The following EEIG2 variants were observed in gnomAD, a reference collection of about 807,000 sequenced individuals.
EEIG2 encodes family with sequence similarity 102 member B.
At chr1:108,618,556 C>T in the EEIG2 span, among the ~76,000 whole-genome samples, 1 of 151,998 alleles carries the variant, frequency 6.6e-6, no homozygotes, top group Non-Finnish European at 1.5e-5. Flanking sequence ...AAAACATTAC[C>T]TCCCTATGTA....
the EEIG2 span, chr1:108,624,511 C>T: frequency 3.6e-6 from 2 of 551,282 alleles, no homozygotes; most frequent in South Asian, 4.3e-5. Flanking sequence ...ATTTGCTGAT[C>T]TTTGTTACTT....
the EEIG2 span, among the ~76,000 whole-genome samples, chr1:108,602,679 A>G: frequency 6.6e-6 from 1 of 152,046 alleles, no homozygotes; most frequent in Non-Finnish European, 1.5e-5. Flanking sequence ...CAGGATTTTA[A>G]GACCAGCCTG....
the EEIG2 span, among the ~76,000 whole-genome samples, chr1:108,587,393 A>T: frequency 6.6e-6 from 1 of 152,170 alleles, no homozygotes; most frequent in Non-Finnish European, 1.5e-5. Context: ...CATTTGTTAC[A>T]GTTGATGAAC....
chr1:108,590,042 G>C, the EEIG2 span, among the ~76,000 whole-genome samples: 2 of 151,906 alleles, frequency 1.3e-5, no homozygotes, highest in South Asian at 4.2e-4. Context: ...TTCCAAATAG[G>C]GAACCCACAG....
the EEIG2 span, among the ~76,000 whole-genome samples, chr1:108,592,135 G>C: frequency 2.0e-5 from 3 of 152,226 alleles, no homozygotes; most frequent in Non-Finnish European, 4.4e-5. Context: ...TAAGGAGGCT[G>C]TTGCCATGCT....
chr1:108,614,860 A>C, the EEIG2 span, among the ~76,000 whole-genome samples: 1 of 152,200 alleles, frequency 6.6e-6, no homozygotes, highest in Non-Finnish European at 1.5e-5. Flanking sequence ...CTACTTAACT[A>C]TTCAGTTCCT....
the EEIG2 span, among the ~76,000 whole-genome samples, chr1:108,593,765 G>A: frequency 6.6e-6 from 1 of 152,010 alleles, no homozygotes; most frequent in African/African-American, 2.4e-5. Context: ...ATGAATCTGA[G>A]GACTAAAGAA....
the EEIG2 span, chr1:108,616,431 A>G: frequency 2.5e-6 from 4 of 1,569,490 alleles, no homozygotes; most frequent in Admixed American, 1.7e-5. Context: ...TTTAAAACGT[A>G]AGTTGATACC....
chr1:108,615,650 T>C, the EEIG2 span, among the ~76,000 whole-genome samples: 1 of 151,722 alleles, frequency 6.6e-6, no homozygotes, highest in African/African-American at 2.4e-5. Flanking sequence ...CCAGGCGTAG[T>C]GTGCACCTAT....
chr1:108,624,432 TAAA>T, the EEIG2 span, among the ~76,000 whole-genome samples: 1 of 89,508 alleles, frequency 1.1e-5, no homozygotes, highest in Non-Finnish European at 2.4e-5. Context: ...CTTGTTATGT[TAAA>T]AAAAAAAAAA....
the EEIG2 span, among the ~76,000 whole-genome samples, chr1:108,604,064 C>T: frequency 5.9e-5 from 9 of 152,110 alleles, no homozygotes; most frequent in African/African-American, 1.9e-4. Flanking sequence ...CTTCTAAAAC[C>T]AATCAAAGAT....
chr1:108,572,331 C>T, the EEIG2 span, among the ~76,000 whole-genome samples: 1 of 152,178 alleles, frequency 6.6e-6, no homozygotes, highest in African/African-American at 2.4e-5. Flanking sequence ...CATATACCCA[C>T]TGCTTCCCAC....
At chr1:108,605,639 A>T in the EEIG2 span, among the ~76,000 whole-genome samples, 24 of 152,224 alleles carry the variant, frequency 1.6e-4, no homozygotes, top group Non-Finnish European at 2.4e-4. Context: ...CAGCTGTGTG[A>T]AAACAAATCT....
chr1:108,590,337 A>G, the EEIG2 span, among the ~76,000 whole-genome samples: 1 of 152,146 alleles, frequency 6.6e-6, no homozygotes, highest in Non-Finnish European at 1.5e-5. Context: ...AAGAGTCTGT[A>G]TCTTTTAAGA....
chr1:108,618,658 C>T, the EEIG2 span, among the ~76,000 whole-genome samples: 3 of 151,724 alleles, frequency 2.0e-5, no homozygotes, highest in Admixed American at 6.6e-5. Context: ...TTTGGGAGGC[C>T]GAGGCAGGAG....
At chr1:108,612,773 G>A in the EEIG2 span, among the ~76,000 whole-genome samples, 2 of 152,194 alleles carry the variant, frequency 1.3e-5, no homozygotes, top group Admixed American at 6.5e-5. Flanking sequence ...GAGTGCGAAT[G>A]TATACTTCAT....
the EEIG2 span, among the ~76,000 whole-genome samples, chr1:108,613,954 G>A: frequency 6.6e-6 from 1 of 151,710 alleles, no homozygotes; most frequent in African/African-American, 2.4e-5. Flanking sequence ...CTAGAGTCTA[G>A]ACCTTTTTAC....
the EEIG2 span, among the ~76,000 whole-genome samples, chr1:108,587,974 C>T: frequency 2.0e-5 from 3 of 152,082 alleles, no homozygotes; most frequent in Admixed American, 1.3e-4. Context: ...CTTTCTGTGC[C>T]GGGGTTATTT....
chr1:108,566,665 T>G, the EEIG2 span, among the ~76,000 whole-genome samples: 1 of 151,918 alleles, frequency 6.6e-6, no homozygotes, highest in East Asian at 1.9e-4. Context: ...AAAGAAGATG[T>G]GGTATATACA....
Sources: allele counts gnomAD v4.1 joint callset (sites outside exome capture counted in the v4.1 genomes callset), GRCh38; gene constraint gnomAD v4.1.1; transcripts MANE v1.5; gene names NCBI Gene and HGNC (gene_info 2026-07-23, HGNC 2026-07-21).